The following RORB variants were observed in gnomAD, a reference collection of about 807,000 sequenced individuals.
RORB encodes nuclear receptor ROR-beta.
In RORB, 6 loss-of-function variants were observed where a neutral mutation model predicts 59.1. The ratio of observed to expected loss-of-function variants is 0.10; its 90% confidence interval spans 0.06 to 0.20. The LOEUF (loss-of-function observed/expected upper bound fraction) is 0.20. RORB is among the 10% of genes least tolerant of loss of function. The pLI, the probability that RORB is intolerant of heterozygous loss-of-function variation, is 1.00. For synonymous variants in RORB, 215 were observed against 204.5 expected (o/e 1.05, Z -0.44); for missense variants, 320 against 560.5 (o/e 0.57, Z 4.33).
At chr9:74,525,328 C>T (rs1826142116) in intron 1 of RORB, among the ~76,000 whole-genome samples, 2 of 151,862 alleles carry the variant, frequency 1.3e-5, no homozygotes, top group Non-Finnish European at 2.9e-5. Flanking sequence ...ATATAAAATG[C>T]ATTCTAAAAT....
intron 1 of RORB, among the ~76,000 whole-genome samples, chr9:74,605,333 C>A (rs1456099620): frequency 6.6e-6 from 1 of 152,154 alleles, no homozygotes; most frequent in African/African-American, 2.4e-5. Context: ...TTGTAGATAG[C>A]CTTTCAAACC....
At chr9:74,586,270 G>A (rs1403052135) in intron 1 of RORB, among the ~76,000 whole-genome samples, 1 of 152,158 alleles carries the variant, frequency 6.6e-6, no homozygotes, top group East Asian at 1.9e-4. Context: ...GGCCAAAGCA[G>A]GTGGATCACT....
At chr9:74,557,700 C>T (rs529612496) in intron 1 of RORB, among the ~76,000 whole-genome samples, 23 of 152,028 alleles carry the variant, frequency 1.5e-4, no homozygotes, top group South Asian at 2.1e-4. Flanking sequence ...AATTACGTAA[C>T]GGCCGAGGAC....
At chr9:74,615,506 GATTGAAGTT>G (rs1823297607) in intron 1 of RORB, 1 of 361,200 alleles carries the variant, frequency 2.8e-6, no homozygotes, top group African/African-American at 2.1e-5. Context: ...AGCCTGTTGG[GATTGAAGTT>G]GTGGGTTAAC....
intron 1 of RORB, among the ~76,000 whole-genome samples, chr9:74,577,480 A>C (rs1441373130): frequency 6.6e-6 from 1 of 152,132 alleles, no homozygotes; most frequent in Non-Finnish European, 1.5e-5. Flanking sequence ...TTCAAATGGA[A>C]AGTACCTGTC....
rs537032914 is a variant in RORB at position 74,633,047 on chromosome 9, C to T, written c.94-1584C>T. Among the ~76,000 whole-genome samples the T allele has an allele frequency of 2.0e-5, 3 of 152,302 alleles. No individual in the cohort carries two copies. In the South Asian group the frequency reaches 6.2e-4, roughly 32 times the overall value. ...TCTCTCTCTCTGAGGAGATGCTCGG[C>T]CACACCTCCGTGTCTGAGTTTCCTC... On this transcript the variant is annotated intron_variant, in intron 2 of 9. Coordinates refer to ENST00000376896, the MANE Select transcript of RORB (RefSeq NM_006914.4).
At chr9:74,596,828 C>G (rs1433599084) in intron 1 of RORB, among the ~76,000 whole-genome samples, 1 of 152,198 alleles carries the variant, frequency 6.6e-6, no homozygotes, top group Non-Finnish European at 1.5e-5. Context: ...GAATTTACAA[C>G]TTAGTTCCTC....
intron 9 of RORB, among the ~76,000 whole-genome samples, chr9:74,674,011 G>T (rs1824391953): frequency 1.3e-5 from 2 of 152,140 alleles, no homozygotes; most frequent in Non-Finnish European, 2.9e-5. Context: ...CGCTCCATTT[G>T]TCTAAGTCTC....
intron 1 of RORB, among the ~76,000 whole-genome samples, chr9:74,572,995 A>G (rs1822575934): frequency 6.6e-6 from 1 of 152,200 alleles, no homozygotes; most frequent in Non-Finnish European, 1.5e-5. Flanking sequence ...GATCACAAAA[A>G]TCTTATCTTC....
intron 1 of RORB, among the ~76,000 whole-genome samples, chr9:74,503,775 T>C (rs1448865203): frequency 6.6e-6 from 1 of 152,010 alleles, no homozygotes; most frequent in Non-Finnish European, 1.5e-5. Context: ...GGAATAAATA[T>C]TGATTGAACT....
intron 1 of RORB, among the ~76,000 whole-genome samples, chr9:74,568,570 G>A (rs537242475): frequency 3.0e-4 from 45 of 151,624 alleles, no homozygotes; most frequent in Admixed American, 4.6e-4. Context: ...TGTGGTGGTG[G>A]GCACCTATAA....
Position 74,499,566 on chromosome 9 carries a change from C to T in RORB, c.7+1583C>T, listed in dbSNP as rs567605248. ...GGCCGGCTCGCTGGGAGTGGGGCAC[C>T]CGTGTGTGTGCGCGCTGGCTCCAGC... On this transcript the variant is annotated intron_variant, in intron 1 of 9. Coordinates refer to ENST00000376896, the MANE Select transcript of RORB (RefSeq NM_006914.4). Among the ~76,000 whole-genome samples the T allele has an allele frequency of 1.1e-4, 16 of 152,276 alleles. No individual in the cohort carries two copies. The East Asian group carries it at 1.2e-3, about 11-fold the overall frequency.
chr9:74,555,322 T>C (rs1822271850), intron 1 of RORB, among the ~76,000 whole-genome samples: 1 of 152,222 alleles, frequency 6.6e-6, no homozygotes, highest in Non-Finnish European at 1.5e-5. Context: ...AGCAGTGATT[T>C]AGCAGCTTTT....
At chr9:74,629,787 T>C (rs1488175269) in intron 1 of RORB, among the ~76,000 whole-genome samples, 1 of 152,194 alleles carries the variant, frequency 6.6e-6, no homozygotes, top group East Asian at 1.9e-4. Context: ...ATTGACATTT[T>C]TGTAAGTAAA....
chr9:74,653,260 T>C (rs1175680792), intron 4 of RORB, among the ~76,000 whole-genome samples: 1 of 152,220 alleles, frequency 6.6e-6, no homozygotes, highest in Non-Finnish European at 1.5e-5. Context: ...ACTTAAAACA[T>C]GCCTTGGGCA....
chr9:74,500,408 C>T (rs910220065), intron 1 of RORB, among the ~76,000 whole-genome samples: 6 of 152,090 alleles, frequency 3.9e-5, no homozygotes, highest in Admixed American at 1.3e-4. Flanking sequence ...GGGAGTTGAA[C>T]TTGAGAGTGA....
chr9:74,609,023 C>A (rs1042700154), intron 1 of RORB, among the ~76,000 whole-genome samples: 11 of 152,114 alleles, frequency 7.2e-5, no homozygotes, highest in Non-Finnish European at 1.3e-4. Context: ...TGATGTCATA[C>A]AAAGTCAAAG....
intron 9 of RORB, among the ~76,000 whole-genome samples, chr9:74,684,864 T>C (rs905208055): frequency 1.3e-5 from 2 of 152,116 alleles, no homozygotes; most frequent in Non-Finnish European, 2.9e-5. Flanking sequence ...CCTCATACAG[T>C]TTGGTTGTAT....
At chr9:74,530,788 T>A (rs1826225565) in intron 1 of RORB, among the ~76,000 whole-genome samples, 1 of 152,024 alleles carries the variant, frequency 6.6e-6, no homozygotes. Flanking sequence ...GTTTGTTACA[T>A]ATGTACACAT....
Sources: allele counts gnomAD v4.1 joint callset (sites outside exome capture counted in the v4.1 genomes callset), GRCh38; gene constraint gnomAD v4.1.1; transcripts MANE v1.5; gene names NCBI Gene and HGNC (gene_info 2026-07-23, HGNC 2026-07-21).